YAP1: variants seen among roughly 807,000 people sequenced by gnomAD.
The protein encoded by YAP1 is transcriptional coactivator YAP1.
In YAP1, 5 loss-of-function variants were observed where a neutral mutation model predicts 56.9. That is an observed-to-expected ratio of 0.09 (90% CI 0.05 to 0.18). YAP1 has a LOEUF of 0.18. Ranked by LOEUF, YAP1 falls within the 10% of genes least tolerant of loss-of-function variation. YAP1 has a pLI of 1.00. For missense variants in YAP1, 539 were observed against 651.8 expected (o/e 0.83, Z 1.88); for synonymous variants, 265 against 248.1 (o/e 1.07, Z -0.64).
chr11:102,132,545 T>G (rs990071076), intron 2 of YAP1, among the ~76,000 whole-genome samples: 6 of 152,238 alleles, frequency 3.9e-5, no homozygotes, highest in Admixed American at 3.9e-4. Flanking sequence ...ACACAAACAT[T>G]GTTAACTATA....
intron 3 of YAP1, among the ~76,000 whole-genome samples, chr11:102,178,458 A>T (rs910245645): frequency 2.0e-5 from 3 of 152,144 alleles, no homozygotes; most frequent in Non-Finnish European, 2.9e-5. Flanking sequence ...AGACATGGCA[A>T]ATGGTTTTAG....
intron 2 of YAP1, among the ~76,000 whole-genome samples, chr11:102,160,214 G>C (rs1454444273): frequency 2.6e-5 from 4 of 151,600 alleles, no homozygotes; most frequent in Non-Finnish European, 4.4e-5. Flanking sequence ...GTAAAGACAG[G>C]GTTCTTCCAT....
chr11:102,165,318 C>G (rs1946538253), intron 3 of YAP1, among the ~76,000 whole-genome samples: 1 of 152,154 alleles, frequency 6.6e-6, no homozygotes, highest in Admixed American at 6.6e-5. Flanking sequence ...TGTGATTGCA[C>G]CACCATACTC....
intron 6 of YAP1, among the ~76,000 whole-genome samples, chr11:102,210,580 C>G (rs894809209): frequency 2.0e-5 from 3 of 152,102 alleles, no homozygotes; most frequent in African/African-American, 7.2e-5. Context: ...AGGGATAACT[C>G]AATAATAAGC....
chr11:102,223,063 G>A (rs1427551848), intron 6 of YAP1, among the ~76,000 whole-genome samples: 1 of 147,838 alleles, frequency 6.8e-6, no homozygotes, highest in Non-Finnish European at 1.5e-5. Flanking sequence ...GGGTAACATG[G>A]TGAAACCCCG....
At chr11:102,200,216 C>G (rs1591397185) in intron 4 of YAP1, among the ~76,000 whole-genome samples, 1 of 152,060 alleles carries the variant, frequency 6.6e-6, no homozygotes, top group East Asian at 1.9e-4. Context: ...AGAATTTATT[C>G]TATGATAAAG....
At position 102,111,138 on chromosome 11, in the gene YAP1, A is replaced by G; in HGVS notation, c.290A>G (p.Lys97Arg). 1 of 1,613,114 alleles carries G rather than the reference A, an allele frequency of 6.2e-7. No homozygotes were observed. Among genetic ancestry groups the G allele is most frequent in the South Asian group, 1.1e-5 (1 of 91,078 alleles). Residue 97 changes from lysine (K) to arginine (R), a missense_variant, in exon 1 of 9, where the codon AAG becomes AGG. Transcript: ENST00000282441. ...CGGAAGCTGCCCGACTCCTTCTTCA[A>G]GCCGCCGGAGCCCAAATCCCACTCC... ...RLRKLPDSFF[K>R]PPEPKSHSRQ... is the part of the protein sequence containing the mutation.
At chr11:102,214,562 T>C (rs1039860928) in intron 6 of YAP1, among the ~76,000 whole-genome samples, 2 of 152,252 alleles carry the variant, frequency 1.3e-5, no homozygotes, top group African/African-American at 4.8e-5. Flanking sequence ...TCATGTTAGC[T>C]GTTTCAAAAT....
intron 5 of YAP1, among the ~76,000 whole-genome samples, chr11:102,207,703 TC>T (rs1438743841): frequency 2.6e-5 from 4 of 152,236 alleles, no homozygotes; most frequent in Non-Finnish European, 5.9e-5. Context: ...AATTGGTACT[TC>T]AGGAGTTAAA....
chr11:102,175,373 C>T (rs1462212494), intron 3 of YAP1, among the ~76,000 whole-genome samples: 1 of 152,096 alleles, frequency 6.6e-6, no homozygotes, highest in Non-Finnish European at 1.5e-5. Flanking sequence ...GCACTCCAGC[C>T]TGGGTGACAG....
At chr11:102,195,089 T>TC (rs1325956575) in intron 4 of YAP1, among the ~76,000 whole-genome samples, 1 of 152,140 alleles carries the variant, frequency 6.6e-6, no homozygotes, top group East Asian at 1.9e-4. Context: ...CTGAACTTTC[T>TC]TTCCTAACTA....
At chr11:102,123,922 CG>C (rs1943864455) in intron 2 of YAP1, among the ~76,000 whole-genome samples, 2 of 151,448 alleles carry the variant, frequency 1.3e-5, no homozygotes, top group Admixed American at 6.6e-5. Flanking sequence ...CCACCATGCC[CG>C]GCCACTCCAT....
Position 102,110,869 on chromosome 11 carries a change from GC to G in YAP1, c.23del (p.Pro8ArgfsTer66). MDPGQQP[P>X]PQPAPQGQGQ... Reference sequence around the variant, plus strand: ...AAGCCATGGATCCCGGGCAGCAGCCGCCGCCTCAACCGGCCCCCCAGGGCCA... The same window carrying G: ...AAGCCATGGATCCCGGGCAGCAGCCGCGCCTCAACCGGCCCCCCAGGGCCA... On this transcript the variant is annotated frameshift_variant, in exon 1 of 9. Transcript: ENST00000282441. LOFTEE classifies it high-confidence loss of function. 7.1e-7 allele frequency: 1 copy of G among 1,415,786 alleles called. No homozygotes were observed. Among genetic ancestry groups the G allele is most frequent in the Non-Finnish European group, 9.2e-7 (1 of 1,083,062 alleles). The allele number at this position is 1,415,786 out of a possible 1,614,324, so 87.7% of individuals were successfully genotyped here. A position where few individuals can be genotyped will look rare whatever the true frequency, so the allele number is the denominator to read the frequency against.
At chr11:102,130,490 A>G (rs1230492015) in intron 2 of YAP1, among the ~76,000 whole-genome samples, 1 of 151,954 alleles carries the variant, frequency 6.6e-6, no homozygotes, top group Admixed American at 6.6e-5. Context: ...TGTAGCCTCA[A>G]TCCTCTGGAC....
rs1591084269 is a variant in YAP1 at position 102,110,950 on chromosome 11, G to A, written c.102G>A (p.Gly34=). Reference sequence around the variant, plus strand: ...GGCAGGGCCCGCCGTCCGGACCCGGGCAACCGGCACCCGCGGCGACCCAGG... The same window carrying A: ...GGCAGGGCCCGCCGTCCGGACCCGGACAACCGGCACCCGCGGCGACCCAGG... ...PQGQGPPSGP[G]QPAPAATQAA... The change falls in exon 1 of 9, where the codon GGG becomes GGA. Residue 34 remains glycine (G), a synonymous_variant. Transcript: ENST00000282441. The A allele has an allele frequency of 1.3e-6, 2 of 1,505,858 alleles. No homozygotes were observed. Among genetic ancestry groups the A allele is most frequent in the East Asian group, 2.8e-5 (1 of 35,300 alleles). The allele number at this position is 1,505,858 out of a possible 1,614,324, so 93.3% of individuals were successfully genotyped here.
Position 102,227,541 on chromosome 11 carries a change from C to T in YAP1, c.1236C>T (p.Thr412=). The T allele has an allele frequency of 6.2e-7, 1 of 1,613,902 alleles. No homozygotes were observed. The highest frequency in any genetic ancestry group is 1.1e-5 in the South Asian group (1 of 90,992). Reference sequence around the variant, plus strand: ...TGAGCAGCTACAGTGTCCCTCGAACCCCAGATGACTTCCTGAACAGTGTGG... The same window carrying T: ...TGAGCAGCTACAGTGTCCCTCGAACTCCAGATGACTTCCTGAACAGTGTGG... The part of the protein sequence containing the change: ...LSMSSYSVPR[T]PDDFLNSVDE... Residue 412 remains threonine (T), a synonymous_variant, in exon 8 of 9, where the codon ACC becomes ACT. Transcript: ENST00000282441.
At chr11:102,205,580 C>T (rs1949079668) in intron 4 of YAP1, among the ~76,000 whole-genome samples, 1 of 152,038 alleles carries the variant, frequency 6.6e-6, no homozygotes, top group Non-Finnish European at 1.5e-5. Context: ...TCCCTTCCCC[C>T]ACCCCGTTTT....
At chr11:102,179,678 T>C (rs1947469608) in intron 3 of YAP1, among the ~76,000 whole-genome samples, 1 of 152,120 alleles carries the variant, frequency 6.6e-6, no homozygotes, top group African/African-American at 2.4e-5. Flanking sequence ...TTCTTTCCCA[T>C]TTTTCATTTT....
intron 2 of YAP1, among the ~76,000 whole-genome samples, chr11:102,124,582 T>C (rs1436587772): frequency 6.6e-6 from 1 of 152,214 alleles, no homozygotes; most frequent in Non-Finnish European, 1.5e-5. Context: ...TTTTATCTGT[T>C]ATTTTTTTTC....
Sources: gnomAD v4.1 joint callset for allele counts (sites outside exome capture counted in the v4.1 genomes callset) on GRCh38, gnomAD v4.1.1 for gene constraint, MANE v1.5 for transcripts, NCBI Gene and HGNC (gene_info 2026-07-23, HGNC 2026-07-21) for gene names.